Variants in MVB12B observed in about 807,000 individuals in gnomAD.
MVB12B encodes ESCRT-I complex subunit MVB12B.
A neutral mutation model predicts 41.6 loss-of-function variants in MVB12B; 16 were observed. The observed-to-expected ratio is 0.38, with a 90% CI of 0.26 to 0.58. The LOEUF is 0.58. MVB12B is among the 20% of genes least tolerant of loss of function. The pLI, the probability that MVB12B is intolerant of heterozygous loss-of-function variation, is 0.62. For missense variants in MVB12B, 274 were observed against 380.2 expected (o/e 0.72, Z 2.32); for synonymous variants, 133 against 139.7 (o/e 0.95, Z 0.34).
intron 6 of MVB12B, among the ~76,000 whole-genome samples, chr9:126,410,208 T>C (rs1831603311): frequency 6.6e-6 from 1 of 152,140 alleles, no homozygotes; most frequent in Non-Finnish European, 1.5e-5. Flanking sequence ...TGTGTGTATG[T>C]GTTGCCCATG....
At chr9:126,403,261 C>T (rs942530242) in intron 6 of MVB12B, among the ~76,000 whole-genome samples, 7 of 152,234 alleles carry the variant, frequency 4.6e-5, no homozygotes, top group African/African-American at 1.7e-4. Context: ...CTCCGGGGCA[C>T]ACCATTCTTA....
intron 4 of MVB12B, among the ~76,000 whole-genome samples, chr9:126,388,843 A>T (rs995659532): frequency 1.3e-5 from 2 of 152,090 alleles, no homozygotes; most frequent in Non-Finnish European, 2.9e-5. Flanking sequence ...TCTGCTTAGG[A>T]TCTACAGTTT....
At chr9:126,341,334 G>A (rs553454063) in intron 2 of MVB12B, among the ~76,000 whole-genome samples, 2 of 152,324 alleles carry the variant, frequency 1.3e-5, no homozygotes, top group South Asian at 4.1e-4. Context: ...TCTGATTCGG[G>A]TGGAGCTTGC....
chr9:126,460,340 A>G (rs1361235236), intron 7 of MVB12B, among the ~76,000 whole-genome samples: 1 of 152,140 alleles, frequency 6.6e-6, no homozygotes, highest in Non-Finnish European at 1.5e-5. Flanking sequence ...ATTCCACAAC[A>G]TAAGTCGCCA....
intron 6 of MVB12B, among the ~76,000 whole-genome samples, chr9:126,405,353 AG>A (rs1255617116): frequency 6.6e-6 from 1 of 152,006 alleles, no homozygotes; most frequent in East Asian, 1.9e-4. Flanking sequence ...TTTCAGCGCC[AG>A]GGTTTTGAGA....
intron 9 of MVB12B, among the ~76,000 whole-genome samples, chr9:126,500,495 C>A (rs918164652): frequency 1.3e-5 from 2 of 152,102 alleles, no homozygotes; most frequent in Non-Finnish European, 2.9e-5. Flanking sequence ...GTGATTGGGT[C>A]GTAGAATTCT....
chr9:126,502,103 T>A (rs997742932), intron 9 of MVB12B, among the ~76,000 whole-genome samples: 7 of 152,328 alleles, frequency 4.6e-5, no homozygotes, highest in Middle Eastern at 3.4e-3. Context: ...CTGCTAAAAC[T>A]TTTCAAATAA....
Position 126,483,961 on chromosome 9 carries a change from C to T in MVB12B, c.814-12C>T. On this transcript the variant is annotated splice_polypyrimidine_tract_variant and intron_variant, in intron 8 of 9. Transcript: ENST00000361171. ...CAGCTATTTAAAAGGGCAACTTCAT[C>T]TGTGTTTTCAGATGCAGCCCTTTGA... The T allele has an allele frequency of 6.2e-7, 1 of 1,613,934 alleles. No homozygotes were observed. Among genetic ancestry groups the T allele is most frequent in the East Asian group, 2.2e-5 (1 of 44,876 alleles).
At chr9:126,479,295 C>T (rs1229496404) in intron 7 of MVB12B, among the ~76,000 whole-genome samples, 1 of 152,200 alleles carries the variant, frequency 6.6e-6, no homozygotes, top group East Asian at 1.9e-4. Flanking sequence ...ATCTCAGCAG[C>T]ACTAGGAAGG....
chr9:126,413,532 G>T (rs768991684), intron 6 of MVB12B, among the ~76,000 whole-genome samples: 1 of 152,060 alleles, frequency 6.6e-6, no homozygotes, highest in African/African-American at 2.4e-5. Flanking sequence ...TCCTTTTGTC[G>T]CATTACTTCC....
At chr9:126,481,275 A>T in intron 7 of MVB12B, 94 bp from the exon 8 acceptor site, 6 of 1,011,388 alleles carry the variant, frequency 5.9e-6, no homozygotes, top group Non-Finnish European at 9.3e-6. Flanking sequence ...CCAGTGACGG[A>T]TTCATATTCT....
chr9:126,331,820 C>T (rs1306314576), intron 1 of MVB12B, among the ~76,000 whole-genome samples: 2 of 152,168 alleles, frequency 1.3e-5, no homozygotes, highest in African/African-American at 4.8e-5. Flanking sequence ...GAGCTAATAG[C>T]ATAAGGAGGC....
At position 126,421,864 on chromosome 9, in the gene MVB12B, C is replaced by G. The variant is rs769378924; in HGVS notation, c.673C>G (p.Leu225Val). ...CCTTCTCTTCCTCAGGCACATCTCC[C>G]TAACACTTCCTGCCACCTTCCGAGG... ...PAPNLPRHISLTLPATFRGRN... is the reference protein window; with the variant it reads ...PAPNLPRHISVTLPATFRGRN... The change falls in exon 7 of 10, where the codon CTA becomes GTA. Residue 225 changes from leucine to valine, a missense_variant. By Grantham distance (32) the Leu-to-Val change is conservative. Transcript: ENST00000361171. The G allele has an allele frequency of 6.2e-7, 1 of 1,613,902 alleles. No homozygotes were observed. The highest frequency in any genetic ancestry group is 2.2e-5 in the East Asian group (1 of 44,872).
intron 4 of MVB12B, among the ~76,000 whole-genome samples, chr9:126,390,635 A>AT (rs995943837): frequency 6.6e-6 from 1 of 152,204 alleles, no homozygotes; most frequent in Non-Finnish European, 1.5e-5. Context: ...AAGGAAAGTT[A>AT]TTTTTTACAT....
intron 9 of MVB12B, among the ~76,000 whole-genome samples, chr9:126,488,075 T>TC (rs917175551): frequency 6.6e-6 from 1 of 152,168 alleles, no homozygotes. Flanking sequence ...TGAAGTTGCT[T>TC]CTTTTAGCCA....
At chr9:126,469,823 C>T (rs1458458378) in intron 7 of MVB12B, among the ~76,000 whole-genome samples, 1 of 152,212 alleles carries the variant, frequency 6.6e-6, no homozygotes, top group Non-Finnish European at 1.5e-5. Context: ...CCTTTGAACT[C>T]ATGTGGAAAA....
rs957737873 is a variant in MVB12B, at chr9:126,367,078, A to G, written c.205-13986A>G. ...CCAGCACCCCATCAGGCATTTCTTC[A>G]TCTTTTCATCCTCCTCTTCTGTCTC... On this transcript the variant is annotated intron_variant, in intron 2 of 9. Coordinates refer to ENST00000361171, the MANE Select transcript of MVB12B (RefSeq NM_033446.3). The surrounding 1 kb of genome is among the most constrained non-coding windows in gnomAD (Gnocchi z 4.3). Among the ~76,000 whole-genome samples the G allele has an allele frequency of 1.2e-4, 18 of 151,258 alleles. No homozygotes were observed. The highest frequency in any genetic ancestry group is 5.3e-4 in the Admixed American group (8 of 15,216).
intron 2 of MVB12B, among the ~76,000 whole-genome samples, chr9:126,359,344 A>G (rs1089425): frequency 0.81 from 122,946 of 152,116 alleles, 50,024 homozygotes; most frequent in South Asian, 0.91. Flanking sequence ...GTGTATGTTC[A>G]TAAGGAATAT....
At chr9:126,460,820 G>A (rs1162300761) in intron 7 of MVB12B, among the ~76,000 whole-genome samples, 1 of 152,110 alleles carries the variant, frequency 6.6e-6, no homozygotes, top group Non-Finnish European at 1.5e-5. Flanking sequence ...TGTCTTAACT[G>A]CTCTTTGCCT....
Sources: gnomAD v4.1 joint callset for allele counts (sites outside exome capture counted in the v4.1 genomes callset) on GRCh38, gnomAD v4.1.1 for gene constraint, Gnocchi (gnomAD v3.1) non-coding constraint, MANE v1.5 for transcripts, NCBI Gene and HGNC (gene_info 2026-07-23, HGNC 2026-07-21) for gene names.